Variants in TOMM20L observed in about 807,000 individuals in gnomAD.
The protein encoded by TOMM20L is translocase of outer mitochondrial membrane 20 like, also known as TOMM20-like protein 1.
A neutral mutation model predicts 20.4 loss-of-function variants in TOMM20L; 19 were observed. That is an observed-to-expected ratio of 0.93 (90% CI 0.65 to 1.36). The LOEUF is 1.36. TOMM20L is among the 40% of genes most tolerant of loss of function. The probability of loss-of-function intolerance (pLI) is 0.00; values close to 1 mark genes in which losing one functional copy is unlikely to be tolerated. For synonymous variants in TOMM20L, 75 were observed against 79.6 expected (o/e 0.94, Z 0.30); for missense variants, 218 against 203.7 (o/e 1.07, Z -0.43).
At position 58,402,770 on chromosome 14, in the gene TOMM20L, G is replaced by A. The variant is rs768663894; in HGVS notation, c.262+9G>A. 1.9e-6 allele frequency: 3 copies of A among 1,598,336 alleles called. No homozygotes were observed. Among genetic ancestry groups the A allele is most frequent in the Admixed American group, 3.4e-5 (2 of 59,694 alleles). On this transcript the variant is annotated intron_variant, in intron 3 of 4. Coordinates refer to ENST00000360945, the MANE Select transcript of TOMM20L (RefSeq NM_207377.3). ...ACTTTGGTTATCTAGAGGTAAGAAT[G>A]TAAATGTTCTTTTGTGAGTTATGAC... is the stretch of plus-strand genomic sequence containing the variant.
At chr14:58,411,790 G>T, downstream of TOMM20L, 1 of 875,964 alleles carries the variant, frequency 1.1e-6, no homozygotes, top group Non-Finnish European at 1.9e-6. Flanking sequence ...ACCCACCTGG[G>T]CCTCCCAACG....
downstream of TOMM20L, among the ~76,000 whole-genome samples, chr14:58,409,972 C>T (rs531961325): frequency 3.3e-5 from 5 of 152,038 alleles, no homozygotes; most frequent in Non-Finnish European, 7.4e-5. Context: ...CTTAAGTGAT[C>T]CTCCTACCTC....
the TOMM20L span, among the ~76,000 whole-genome samples, chr14:58,416,562 G>A: frequency 6.6e-6 from 1 of 152,176 alleles, no homozygotes; most frequent in East Asian, 1.9e-4. Flanking sequence ...CGAAGAAAAT[G>A]ATAAAAGTAG....
chr14:58,407,621 GC>G (rs2036081684), intron 4 of TOMM20L, among the ~76,000 whole-genome samples, 153 bp downstream of exon 4: 1 of 152,154 alleles, frequency 6.6e-6, no homozygotes. Context: ...CACGAAGCAA[GC>G]CTATTCTTCA....
chr14:58,403,961 T>C (rs1344589048), intron 3 of TOMM20L, among the ~76,000 whole-genome samples: 2 of 148,414 alleles, frequency 1.3e-5, no homozygotes, highest in African/African-American at 4.9e-5. Flanking sequence ...ATAAATATTA[T>C]AATCATAATG....
At chr14:58,410,870 G>T (rs760974022), downstream of TOMM20L, 5 of 1,610,152 alleles carry the variant, frequency 3.1e-6, no homozygotes, top group South Asian at 5.6e-5. Flanking sequence ...CTCTTGTTGT[G>T]AAGTCTTTAA....
downstream of TOMM20L, chr14:58,411,799 C>G: frequency 9.9e-7 from 1 of 1,011,672 alleles, no homozygotes. Flanking sequence ...GGCCTCCCAA[C>G]GTGCTGGGAT....
At chr14:58,396,399 G>A in intron 2 of TOMM20L, 58 bp downstream of exon 2, 1 of 1,598,446 alleles carries the variant, frequency 6.3e-7, no homozygotes, top group Non-Finnish European at 8.6e-7. Context: ...GGCTCGCTGG[G>A]TTGCTTGGCT....
chr14:58,414,732 A>C, the TOMM20L span, among the ~76,000 whole-genome samples: 66 of 47,750 alleles, frequency 1.4e-3, 1 homozygote, highest in Admixed American at 5.4e-4. Context: ...GTGAGACGCC[A>C]TCTCAAAAAA....
downstream of TOMM20L, chr14:58,408,854 G>T: frequency 2.3e-6 from 2 of 860,514 alleles, no homozygotes; most frequent in Non-Finnish European, 3.5e-6. Flanking sequence ...ACCTTCTATT[G>T]TGATTATTCC....
chr14:58,407,647 T>C (rs965704602), intron 4 of TOMM20L, among the ~76,000 whole-genome samples, 179 bp downstream of exon 4: 2 of 152,242 alleles, frequency 1.3e-5, no homozygotes, highest in Middle Eastern at 3.2e-3. Context: ...CCTTTGACTA[T>C]AATAAATTGT....
chr14:58,408,429 AAAAG>A, intron 4 of TOMM20L, 96 bp from the exon 5 acceptor site: 1 of 1,144,790 alleles, frequency 8.7e-7, no homozygotes, highest in East Asian at 2.5e-5. Flanking sequence ...AAAAAAAAAA[AAAAG>A]AAAAGTATAT....
At chr14:58,408,797 T>C (rs1253104972), downstream of TOMM20L, 32 of 678,848 alleles carry the variant, frequency 4.7e-5, 1 homozygote, top group South Asian at 6.6e-4. Flanking sequence ...TGCTGAATCA[T>C]AAGGCCTCAA....
chr14:58,409,250 G>C (rs1433623163), downstream of TOMM20L: 11 of 1,510,074 alleles, frequency 7.3e-6, no homozygotes, highest in Middle Eastern at 5.1e-4. Flanking sequence ...AGAATCAGTG[G>C]GGTAGTTTGC....
Position 58,396,306 on chromosome 14 carries a change from G to C in TOMM20L, c.145G>C (p.Ala49Pro), listed in dbSNP as rs1334655672. ...FKRRLRDKRRAEPQKAEEQGT... is the reference protein window; with the variant it reads ...FKRRLRDKRRPEPQKAEEQGT... ...CCGTGTTGTGTTCGCAGAAAGAAGA[G>C]CAGAGCCTCAAAAGGCTGAGGAGCA... The change falls in exon 2 of 5, where the codon GCA (alanine) becomes CCA (proline). Residue 49 changes from alanine to proline, a missense_variant. Physicochemically the swap from Ala to Pro is conservative, Grantham distance 27 (BLOSUM62 -1). Coordinates refer to ENST00000360945, the MANE Select transcript of TOMM20L (RefSeq NM_207377.3). 3 of 1,613,202 alleles carry C rather than the reference G, an allele frequency of 1.9e-6. No individual in the cohort carries two copies. In the African/African-American group the frequency reaches 4.0e-5, roughly 22 times the overall value.
chr14:58,410,671 C>G (rs889816305), downstream of TOMM20L, among the ~76,000 whole-genome samples: 1 of 152,204 alleles, frequency 6.6e-6, no homozygotes, highest in African/African-American at 2.4e-5. Context: ...AAATTTGGCA[C>G]TGTTAAACTC....
chr14:58,408,965 A>G (rs1463657724), downstream of TOMM20L: 3 of 1,567,294 alleles, frequency 1.9e-6, no homozygotes, highest in Non-Finnish European at 2.6e-6. Context: ...ATTCTATCAG[A>G]TGAGTCCTCA....
downstream of TOMM20L, among the ~76,000 whole-genome samples, chr14:58,409,575 A>C (rs929236277): frequency 1.3e-5 from 2 of 151,826 alleles, no homozygotes; most frequent in African/African-American, 4.8e-5. Flanking sequence ...TTTTAATTTT[A>C]TTTATTTATT....
intron 2 of TOMM20L, among the ~76,000 whole-genome samples, 171 bp from the exon 3 acceptor site, chr14:58,402,508 GA>G (rs1377984792): frequency 2.6e-5 from 4 of 151,868 alleles, no homozygotes; most frequent in African/African-American, 9.7e-5. Context: ...GGCTGGTCTC[GA>G]ACTCCCGACC....
Sources: gnomAD v4.1 joint callset for allele counts (sites outside exome capture counted in the v4.1 genomes callset) on GRCh38, gnomAD v4.1.1 for gene constraint, MANE v1.5 for transcripts, NCBI Gene and HGNC (gene_info 2026-07-23, HGNC 2026-07-21) for gene names.